Variants in FAM124B observed in about 807,000 individuals in gnomAD.
FAM124B encodes the protein family with sequence similarity 124 member B.
A neutral mutation model predicts 19.7 loss-of-function variants in FAM124B; 18 were observed. The observed-to-expected ratio is 0.92, with a 90% CI of 0.63 to 1.36. The LOEUF is 1.36. Among genes scored for constraint, FAM124B ranks in the 40% most tolerant of loss-of-function variants. The pLI is 0.00. For missense variants in FAM124B, 540 were observed against 553.3 expected (o/e 0.98, Z 0.24); for synonymous variants, 223 against 225.2 (o/e 0.99, Z 0.09).
chr2:224,380,200 C>T lies in FAM124B; in HGVS notation c.741G>A (p.Leu247=). Residue 247 remains leucine, a synonymous_variant, in exon 2 of 2, where the codon CTG becomes CTA. Coordinates refer to ENST00000409685, the MANE Select transcript of FAM124B (RefSeq NM_001122779.2). ...CATTCTTAACACCAAGTTCTGGATT[C>T]AGCTGAACCTACAGGAAAGGAAAGG... ...DGNKILLQVQ[L]NPELGVKNGI... The T allele has an allele frequency of 6.5e-7, 1 of 1,542,172 alleles. No homozygotes were observed. The highest frequency in any genetic ancestry group is 8.8e-7 in the Non-Finnish European group (1 of 1,141,074).
chr2:224,384,499 A>T (rs1384956671), intron 1 of FAM124B, among the ~76,000 whole-genome samples: 1 of 152,180 alleles, frequency 6.6e-6, no homozygotes, highest in African/African-American at 2.4e-5. Context: ...TGTGTTCAGG[A>T]TGCCACAGAA....
intron 1 of FAM124B, 75 bp downstream of exon 1, chr2:224,400,962 T>A (rs1390123859): frequency 2.7e-6 from 4 of 1,502,286 alleles, no homozygotes; most frequent in Non-Finnish European, 3.5e-6. Context: ...TGAGAACCAC[T>A]AGCTTAGGCC....
At chr2:224,386,038 CTCT>C (rs1246567762) in intron 1 of FAM124B, among the ~76,000 whole-genome samples, 2 of 152,280 alleles carry the variant, frequency 1.3e-5, no homozygotes, top group East Asian at 3.9e-4. Context: ...TGACGCCCTA[CTCT>C]TCTTAAGATA....
chr2:224,391,594 T>A (rs1689889953), intron 1 of FAM124B, among the ~76,000 whole-genome samples: 2 of 152,366 alleles, frequency 1.3e-5, no homozygotes, highest in African/African-American at 2.4e-5. Context: ...ATCAATTCTA[T>A]GTGCTATATT....
Position 224,379,470 on chromosome 2 carries a change from G to A in FAM124B, c.*103C>T. On this transcript the variant is annotated 3_prime_UTR_variant, in exon 2 of 2. Transcript: ENST00000409685. ...ACAGATTGTGCATGGGGAGCATTCAGCCCCCCTCAGATGAACAACTAACAG... is the reference window on the plus strand; with the variant it reads ...ACAGATTGTGCATGGGGAGCATTCAACCCCCCTCAGATGAACAACTAACAG... 3.6e-6 allele frequency: 5 copies of A among 1,388,670 alleles called. No homozygotes were observed. Among genetic ancestry groups the A allele is most frequent in the Non-Finnish European group, 2.9e-6 (3 of 1,050,952 alleles). 86.0% of individuals were successfully genotyped at this position (1,388,670 alleles called of 1,614,324 possible). A position where few individuals can be genotyped will look rare whatever the true frequency, so the allele number is the denominator to read the frequency against.
At chr2:224,382,328 C>A (rs55650784) in intron 1 of FAM124B, among the ~76,000 whole-genome samples, 7,520 of 151,494 alleles carry the variant, frequency 0.05, 202 homozygotes, top group Non-Finnish European at 0.054. Context: ...TTTTTCCAAC[C>A]ATATAAAAAT....
At position 224,378,946 on chromosome 2, in the gene FAM124B, C is replaced by G. The variant is rs1689667767; in HGVS notation, c.*627G>C. 6.6e-6 allele frequency: 1 copy of G among 152,526 alleles called. No homozygotes were observed. Among genetic ancestry groups the G allele is most frequent in the South Asian group, 2.1e-4 (1 of 4,840 alleles). 9.4% of individuals were successfully genotyped at this position (152,526 alleles called of 1,614,324 possible). A position where few individuals can be genotyped will look rare whatever the true frequency, so the allele number is the denominator to read the frequency against. On this transcript the variant is annotated 3_prime_UTR_variant, in exon 2 of 2. Transcript: ENST00000409685. ...TGAGCAGGAAAGCCCTAGAGCCTAGCATTCATGTTCAACCTGATTTTCTGG... is the reference window on the plus strand; with the variant it reads ...TGAGCAGGAAAGCCCTAGAGCCTAGGATTCATGTTCAACCTGATTTTCTGG...
intron 1 of FAM124B, chr2:224,400,305 C>T (rs1690042804): frequency 1.6e-5 from 9 of 562,650 alleles, no homozygotes; most frequent in East Asian, 5.7e-5. Context: ...CTTAACATCC[C>T]TAAACAAGCT....
intron 1 of FAM124B, among the ~76,000 whole-genome samples, chr2:224,398,524 C>T (rs543910857): frequency 6.6e-6 from 1 of 152,264 alleles, no homozygotes; most frequent in African/African-American, 2.4e-5. Context: ...TATATGACAC[C>T]AGAAGCAGAA....
At chr2:224,380,774 G>A (rs1231434330) in intron 1 of FAM124B, among the ~76,000 whole-genome samples, 1 of 152,068 alleles carries the variant, frequency 6.6e-6, no homozygotes, top group Non-Finnish European at 1.5e-5. Flanking sequence ...AAATTCTTGG[G>A]GCACCATTTA....
chr2:224,389,764 T>C (rs937422058), intron 1 of FAM124B, among the ~76,000 whole-genome samples: 8 of 152,038 alleles, frequency 5.3e-5, no homozygotes, highest in Non-Finnish European at 1.0e-4. Flanking sequence ...GAAATTCAAG[T>C]ACAGGATTAA....
Position 224,390,710 on chromosome 2 carries a change from TTG to T in FAM124B, c.732+10325_732+10326del, listed in dbSNP as rs1491128590. Among the ~76,000 whole-genome samples, 553 of 148,748 alleles carry T rather than the reference TTG, an allele frequency of 3.7e-3. 9 individuals carry two copies. The highest frequency in any genetic ancestry group is 0.011 in the African/African-American group (443 of 39,462). On this transcript the variant is annotated intron_variant, in intron 1 of 1. Transcript: ENST00000409685. ...TCAACAAACTTTTTTTTTTGTTTGTTTGTTTTTTAAGACAGAGTCTCTCTCAG... is the reference window on the plus strand; with the variant it reads ...TCAACAAACTTTTTTTTTTGTTTGTTTTTTTTAAGACAGAGTCTCTCTCAG...
intron 1 of FAM124B, among the ~76,000 whole-genome samples, chr2:224,394,083 T>C (rs190074561): frequency 1.3e-5 from 2 of 152,296 alleles, no homozygotes; most frequent in African/African-American, 4.8e-5. Context: ...TTGACTTCCA[T>C]GACACCACAA....
At chr2:224,389,593 G>A (rs899890597) in intron 1 of FAM124B, among the ~76,000 whole-genome samples, 6 of 152,120 alleles carry the variant, frequency 3.9e-5, no homozygotes, top group Non-Finnish European at 8.8e-5. Flanking sequence ...CTGGGCAACT[G>A]GGAGAAGAAT....
intron 1 of FAM124B, among the ~76,000 whole-genome samples, chr2:224,393,438 C>T (rs1689919788): frequency 6.6e-6 from 1 of 152,188 alleles, no homozygotes; most frequent in South Asian, 2.1e-4. Context: ...ATTCTAAAAC[C>T]TCTCTAGCTT....
At position 224,380,280 on chromosome 2, in the gene FAM124B, T is replaced by C. The variant is rs1261342386; in HGVS notation, c.733-72A>G. 1.5e-5 allele frequency: 20 copies of C among 1,344,376 alleles called. No homozygotes were observed. In the African/African-American group the frequency reaches 3.0e-4, roughly 20 times the overall value. The allele number at this position is 1,344,376 out of a possible 1,614,324, so 83.3% of individuals were successfully genotyped here. ...CTAAGTGCCAAGAGCTGACTATGCC[T>C]TATTCACCCTCTGCCATGCCATGCC... On this transcript the variant is annotated intron_variant, in intron 1 of 1. Coordinates refer to ENST00000409685, the MANE Select transcript of FAM124B (RefSeq NM_001122779.2).
At position 224,396,357 on chromosome 2, in the gene FAM124B, G is replaced by T. The variant is rs891636970; in HGVS notation, c.732+4680C>A. Among the ~76,000 whole-genome samples the T allele has an allele frequency of 6.6e-5, 10 of 152,164 alleles. No individual in the cohort carries two copies. In the South Asian group the frequency reaches 1.5e-3, roughly 22 times the overall value. On this transcript the variant is annotated intron_variant, in intron 1 of 1. Coordinates refer to ENST00000409685, the MANE Select transcript of FAM124B (RefSeq NM_001122779.2). ...TTCTCCAACTGGCTAATTCCTCCTG[G>T]GCCACCCAGCTCACGCAGATCTGGG...
intron 1 of FAM124B, among the ~76,000 whole-genome samples, chr2:224,380,704 G>A (rs1689700786): frequency 6.6e-6 from 1 of 152,146 alleles, no homozygotes; most frequent in Non-Finnish European, 1.5e-5. Context: ...TACATATCTT[G>A]GGCCATTCTA....
At chr2:224,389,080 C>T (rs1055659639) in intron 1 of FAM124B, among the ~76,000 whole-genome samples, 2 of 152,048 alleles carry the variant, frequency 1.3e-5, no homozygotes, top group East Asian at 3.9e-4. Flanking sequence ...TACAGGCAGG[C>T]GCCACCACAC....
Sources: allele counts gnomAD v4.1 joint callset (sites outside exome capture counted in the v4.1 genomes callset), GRCh38; gene constraint gnomAD v4.1.1; transcripts MANE v1.5; gene names NCBI Gene and HGNC (gene_info 2026-07-23, HGNC 2026-07-21).